Variants in NACC1 observed in about 807,000 individuals in gnomAD.
NACC1 encodes the protein nucleus accumbens-associated protein 1.
NACC1 carries 6 observed loss-of-function variants against 41.7 expected under a neutral mutation model. The ratio of observed to expected loss-of-function variants is 0.14; its 90% confidence interval spans 0.08 to 0.28. NACC1 has a LOEUF of 0.28. Ranked by LOEUF, NACC1 falls within the 10% of genes least tolerant of loss-of-function variation. The pLI is 1.00. For synonymous variants in NACC1, 338 were observed against 330.6 expected (o/e 1.02, Z -0.24); for missense variants, 434 against 763.7 (o/e 0.57, Z 5.09).
At chr19:13,122,999 A>G (rs79910982) in intron 1 of NACC1, among the ~76,000 whole-genome samples, 2,748 of 152,188 alleles carry the variant, frequency 0.018, 46 homozygotes, top group Non-Finnish European at 0.025. Flanking sequence ...GGAGACTGAT[A>G]TGGGGGGTGA....
At chr19:13,120,144 C>G (rs543514335) in intron 1 of NACC1, among the ~76,000 whole-genome samples, 2 of 152,166 alleles carry the variant, frequency 1.3e-5, no homozygotes, top group African/African-American at 4.8e-5. Context: ...ATGGTGTCCC[C>G]GGGGAATGGA....
intron 1 of NACC1, among the ~76,000 whole-genome samples, chr19:13,122,528 G>GC (rs1419443791): frequency 2.7e-5 from 4 of 150,872 alleles, no homozygotes; most frequent in Non-Finnish European, 5.9e-5. Flanking sequence ...CCTGCCGGGG[G>GC]GGGGGGGGTG....
At chr19:13,118,687 T>G (rs8111717) in intron 1 of NACC1, among the ~76,000 whole-genome samples, 61,964 of 149,776 alleles carry the variant, frequency 0.41, 14,395 homozygotes, top group African/African-American at 0.63. Flanking sequence ...CGCTCCCCCG[T>G]CTCCCAGCGA....
At chr19:13,127,447 A>G (rs1175535635) in intron 1 of NACC1, among the ~76,000 whole-genome samples, 18 of 119,436 alleles carry the variant, frequency 1.5e-4, no homozygotes, top group African/African-American at 5.9e-4. Flanking sequence ...CTGTAATCCC[A>G]GCACTTTGGG....
chr19:13,134,049 G>GT (rs981877217), intron 1 of NACC1, among the ~76,000 whole-genome samples: 2 of 152,022 alleles, frequency 1.3e-5, no homozygotes, highest in African/African-American at 4.8e-5. Context: ...TTTCATGTAA[G>GT]TTATTTATTT....
chr19:13,139,477 TG>T lies in NACC1; in HGVS notation c.*1077del. On this transcript the variant is annotated 3_prime_UTR_variant, in exon 6 of 6. Transcript: ENST00000292431. ...GGAAGGCAGGGCGGTGTTGGGGGGC[TG>T]GGGGGCAGGCTGAATGTGTGTGTGT... 1 of 152,388 alleles carries T rather than the reference TG, an allele frequency of 6.6e-6. No individual in the cohort carries two copies. Among genetic ancestry groups the T allele is most frequent in the Non-Finnish European group, 1.5e-5 (1 of 68,230 alleles). The allele number at this position is 152,388 out of a possible 1,614,324, so 9.4% of individuals were successfully genotyped here.
intron 1 of NACC1, among the ~76,000 whole-genome samples, chr19:13,122,387 C>T (rs1175454170): frequency 1.3e-5 from 2 of 152,132 alleles, no homozygotes; most frequent in Non-Finnish European, 1.5e-5. Flanking sequence ...AAGGTCTTTA[C>T]CTCTGAGCCT....
At chr19:13,131,075 G>A (rs1281983014) in intron 1 of NACC1, among the ~76,000 whole-genome samples, 1 of 152,050 alleles carries the variant, frequency 6.6e-6, no homozygotes, top group Non-Finnish European at 1.5e-5. Context: ...CTACCACCAA[G>A]GCCATCTGCT....
intron 1 of NACC1, among the ~76,000 whole-genome samples, chr19:13,133,286 G>A (rs1284301387): frequency 1.3e-5 from 2 of 152,008 alleles, no homozygotes; most frequent in Non-Finnish European, 2.9e-5. Context: ...TTACAGAGGA[G>A]GCCGGGCGTG....
At chr19:13,123,154 C>T (rs982829687) in intron 1 of NACC1, among the ~76,000 whole-genome samples, 2 of 152,196 alleles carry the variant, frequency 1.3e-5, no homozygotes, top group Non-Finnish European at 2.9e-5. Flanking sequence ...ATCCCTCCAC[C>T]CTCCTTTGTG....
intron 1 of NACC1, chr19:13,131,520 G>C (rs968199721): frequency 1.3e-5 from 2 of 152,260 alleles, no homozygotes; most frequent in Non-Finnish European, 2.9e-5. Flanking sequence ...CATGGTGCCT[G>C]TTTCTCCTGC....
rs2019761319 is a variant in NACC1, at chr19:13,139,772, C to T, written c.*1366C>T. 1 of 152,472 alleles carries T rather than the reference C, an allele frequency of 6.6e-6. No homozygotes were observed. Among genetic ancestry groups the T allele is most frequent in the African/African-American group, 2.4e-5 (1 of 41,436 alleles). 9.4% of individuals were successfully genotyped at this position (152,472 alleles called of 1,614,324 possible). ...TACCATTCCTCTCTTTTTGTTCTCG[C>T]CCAGAGTGGGTGGTTTTTTGTTGTT... On this transcript the variant is annotated 3_prime_UTR_variant, in exon 6 of 6. Coordinates refer to ENST00000292431, the MANE Select transcript of NACC1 (RefSeq NM_052876.4).
intron 1 of NACC1, among the ~76,000 whole-genome samples, chr19:13,128,587 C>A (rs2019594011): frequency 2.0e-5 from 3 of 152,220 alleles, no homozygotes; most frequent in African/African-American, 7.2e-5. Context: ...CTGGAAGGGC[C>A]ACACTCCCCA....
At position 13,135,790 on chromosome 19, in the gene NACC1, G is replaced by A. The variant is rs1259427521; in HGVS notation, c.583G>A (p.Gly195Ser). 6.4e-7 allele frequency: 1 copy of A among 1,557,308 alleles called. No homozygotes were observed. The highest frequency in any genetic ancestry group is 1.2e-5 in the South Asian group (1 of 84,836). ...GGACAGTGGCCAGAAGGAGGCTGGGGGCGGCGGCAATGGCAGCCGCAAGAT... is the reference window on the plus strand; with the variant it reads ...GGACAGTGGCCAGAAGGAGGCTGGGAGCGGCGGCAATGGCAGCCGCAAGAT... ...LWDSGQKEAG[G>S]GGNGSRKMAK... is the part of the protein sequence containing the mutation. Residue 195 changes from glycine to serine, a missense_variant, in exon 2 of 6, where the codon GGC becomes AGC. Physicochemically the swap from Gly to Ser is moderately conservative, Grantham distance 56. Coordinates refer to ENST00000292431, the MANE Select transcript of NACC1 (RefSeq NM_052876.4).
At chr19:13,121,248 C>T (rs1054482876) in intron 1 of NACC1, among the ~76,000 whole-genome samples, 1 of 152,124 alleles carries the variant, frequency 6.6e-6, no homozygotes, top group African/African-American at 2.4e-5. Flanking sequence ...GGGGACAGCA[C>T]ATTCACAGCT....
intron 1 of NACC1, among the ~76,000 whole-genome samples, chr19:13,132,081 G>A (rs1030651512): frequency 2.6e-5 from 4 of 151,684 alleles, no homozygotes; most frequent in African/African-American, 7.2e-5. Flanking sequence ...GGCTGGTCTC[G>A]AACTCCCGAC....
At position 13,120,340 on chromosome 19, in the gene NACC1, G is replaced by A. The variant is rs117012858; in HGVS notation, c.-9+1886G>A. 1.0e-3 allele frequency among the ~76,000 whole-genome samples: 152 copies of A among 152,292 alleles called. 3 individuals carry two copies. The East Asian group carries it at 0.027, about 27-fold the overall frequency. On this transcript the variant is annotated intron_variant, in intron 1 of 5. Transcript: ENST00000292431. ...TTTTGCCCCACTTTGGCCCCCAGTC[G>A]GATGGCAGCAGCTTTTGTTCCTTTC...
Position 13,138,329 on chromosome 19 carries a change from A to G in NACC1, c.1507A>G (p.Met503Val), listed in dbSNP as rs1476941212. ...ISETGKIEPD[M>V]MGVEHGFETA... is the part of the protein sequence containing the mutation. ...TGAAACGGGCAAGATCGAGCCGGAC[A>G]TGATGGGTGTGGAGCATGGCTTCGA... is the stretch of plus-strand genomic sequence containing the variant. The change falls in exon 6 of 6, where the codon ATG becomes GTG. Residue 503 changes from methionine (M) to valine (V), a missense_variant. Around this residue, in one of 4 missense-constraint regions of NACC1, gnomAD observed 63 missense variants for 68.4 expected, o/e 0.92. Coordinates refer to ENST00000292431, the MANE Select transcript of NACC1 (RefSeq NM_052876.4). The surrounding 1 kb of genome is among the most constrained non-coding windows in gnomAD (Gnocchi z 5.7). The G allele has an allele frequency of 3.1e-6, 5 of 1,614,078 alleles. No homozygotes were observed. Among genetic ancestry groups the G allele is most frequent in the East Asian group, 2.2e-5 (1 of 44,880 alleles).
chr19:13,124,137 G>A (rs2019533667), intron 1 of NACC1, among the ~76,000 whole-genome samples: 2 of 152,294 alleles, frequency 1.3e-5, no homozygotes, highest in African/African-American at 2.4e-5. Flanking sequence ...AGTGGCTCAC[G>A]CCTGTAATCC....
Sources: gnomAD v4.1 joint callset for allele counts (sites outside exome capture counted in the v4.1 genomes callset) on GRCh38, gnomAD v4.1.1 for gene constraint, gnomAD v4.1.1 regional missense constraint, Gnocchi (gnomAD v3.1) non-coding constraint, MANE v1.5 for transcripts, NCBI Gene and HGNC (gene_info 2026-07-23, HGNC 2026-07-21) for gene names.